Variants in SOX13 observed in about 807,000 individuals in gnomAD.
The protein encoded by SOX13 is transcription factor SOX-13.
In SOX13, 28 loss-of-function variants were observed where a neutral mutation model predicts 71.8. That is an observed-to-expected ratio of 0.39 (90% CI 0.29 to 0.53). SOX13 has a LOEUF of 0.53. Among genes scored for constraint, SOX13 ranks in the 20% least tolerant of loss-of-function variants. SOX13 has a pLI of 0.70. For synonymous variants in SOX13, 309 were observed against 317.8 expected, an observed-to-expected ratio of 0.97 and a Z score of 0.29; for missense variants, 627 against 810.3, an observed-to-expected ratio of 0.77 and a Z score of 2.75.
At chr1:204,083,472 C>T (rs1384644121) in intron 1 of SOX13, among the ~76,000 whole-genome samples, 1 of 152,210 alleles carries the variant, frequency 6.6e-6, no homozygotes, top group Non-Finnish European at 1.5e-5. Context: ...CTCTATCTCC[C>T]ATCATCTAAA....
At chr1:204,107,910 C>T (rs1345119909) in intron 1 of SOX13, among the ~76,000 whole-genome samples, 1 of 152,188 alleles carries the variant, frequency 6.6e-6, no homozygotes, top group Non-Finnish European at 1.5e-5. Flanking sequence ...CAGACTGACA[C>T]CTCTAAGCTG....
At chr1:204,094,567 G>T (rs1208076874) in intron 1 of SOX13, among the ~76,000 whole-genome samples, 1 of 152,150 alleles carries the variant, frequency 6.6e-6, no homozygotes, top group Non-Finnish European at 1.5e-5. Context: ...GCAGAGAGAG[G>T]GCCAGGAAGG....
At chr1:204,100,659 T>C (rs958720165) in intron 1 of SOX13, among the ~76,000 whole-genome samples, 1 of 121,524 alleles carries the variant, frequency 8.2e-6, no homozygotes, top group Non-Finnish European at 1.8e-5. Context: ...GACGATAGGG[T>C]AGATAATGGG....
intron 1 of SOX13, among the ~76,000 whole-genome samples, chr1:204,092,236 C>G (rs1558212572): frequency 1.3e-5 from 2 of 152,140 alleles, no homozygotes; most frequent in Non-Finnish European, 2.9e-5. Context: ...CTATGTTGCC[C>G]AGGCTGGTCT....
chr1:204,117,269 G>T (rs1454669791), intron 6 of SOX13, 79 bp downstream of exon 6: 1 of 1,273,462 alleles, frequency 7.9e-7, no homozygotes, highest in East Asian at 2.3e-5. Flanking sequence ...CTGGGGACAG[G>T]GGATGTGCAC....
At chr1:204,108,650 G>T (rs544684050) in intron 1 of SOX13, among the ~76,000 whole-genome samples, 1 of 152,372 alleles carries the variant, frequency 6.6e-6, no homozygotes, top group East Asian at 1.9e-4. Flanking sequence ...CAAGTCCGGA[G>T]TGAGGAGGGA....
chr1:204,120,197 T>G (rs567648131), intron 7 of SOX13, among the ~76,000 whole-genome samples: 1 of 152,104 alleles, frequency 6.6e-6, no homozygotes, highest in Non-Finnish European at 1.5e-5. Flanking sequence ...ACAGGCCCAA[T>G]GTGGAAGTTT....
chr1:204,077,297 C>T (rs1290144320), intron 1 of SOX13, among the ~76,000 whole-genome samples: 1 of 152,092 alleles, frequency 6.6e-6, no homozygotes, highest in Non-Finnish European at 1.5e-5. Flanking sequence ...TTATTGCAGG[C>T]GATGCATCCA....
At chr1:204,115,220 C>T (rs1656664023) in intron 4 of SOX13, among the ~76,000 whole-genome samples, 1 of 151,926 alleles carries the variant, frequency 6.6e-6, no homozygotes, top group African/African-American at 2.4e-5. Context: ...GTTGCCCAGG[C>T]TGGTCTCGAA....
At chr1:204,121,848 T>C (rs1340893465) in intron 7 of SOX13, 52 bp from the exon 8 acceptor site, 1 of 1,249,398 alleles carries the variant, frequency 8.0e-7, no homozygotes, top group Non-Finnish European at 1.2e-6. Flanking sequence ...AAGCAGGGTG[T>C]CTGCTGTTCT....
chr1:204,094,213 A>G (rs1656203312), intron 1 of SOX13, among the ~76,000 whole-genome samples: 1 of 152,206 alleles, frequency 6.6e-6, no homozygotes. Context: ...GATGGGAACG[A>G]TGAGACTCAG....
chr1:204,111,172 C>T (rs1656573256), intron 1 of SOX13, among the ~76,000 whole-genome samples: 1 of 152,224 alleles, frequency 6.6e-6, no homozygotes, highest in African/African-American at 2.4e-5. Flanking sequence ...AACAACAAAA[C>T]ACCAGATCGG....
intron 1 of SOX13, among the ~76,000 whole-genome samples, chr1:204,080,320 C>T (rs979853106): frequency 6.6e-6 from 1 of 151,092 alleles, no homozygotes; most frequent in Non-Finnish European, 1.5e-5. Context: ...GGTGTTACCC[C>T]CAACATTGTC....
rs1451680403 is a variant in SOX13 at position 204,123,533 on chromosome 1, C to T, written c.1232-128C>T. On this transcript the variant is annotated intron_variant, in intron 11 of 13. Transcript: ENST00000367204. This position sits in a 1 kb window ranked among gnomAD's most constrained non-coding sequence, Gnocchi z 5.0. ...CATCTGCTCCTGCCTTGCTCCTCCT[C>T]GGCTGGCTGCTGTGGGAGCCTCCTC... 7 of 995,904 alleles carry T rather than the reference C, an allele frequency of 7.0e-6. No individual in the cohort carries two copies. Among genetic ancestry groups the T allele is most frequent in the East Asian group, 2.6e-5 (1 of 38,026 alleles). The allele number at this position is 995,904 out of a possible 1,614,324, so 61.7% of individuals were successfully genotyped here.
chr1:204,088,975 A>G (rs535276522), intron 1 of SOX13, among the ~76,000 whole-genome samples: 1 of 152,146 alleles, frequency 6.6e-6, no homozygotes, highest in African/African-American at 2.4e-5. Flanking sequence ...GGAGGAATCA[A>G]TTTCCCTCTC....
intron 1 of SOX13, among the ~76,000 whole-genome samples, chr1:204,100,013 C>T (rs771348907): frequency 7.2e-5 from 11 of 152,152 alleles, no homozygotes; most frequent in Non-Finnish European, 1.6e-4. Flanking sequence ...TGGCATGCAC[C>T]TGTAGTTCCA....
intron 1 of SOX13, among the ~76,000 whole-genome samples, chr1:204,099,677 T>C (rs974536701): frequency 9.9e-5 from 15 of 152,164 alleles, no homozygotes; most frequent in African/African-American, 2.9e-4. Context: ...CCTCCCAAAG[T>C]GCTGGGATTA....
At position 204,124,631 on chromosome 1, in the gene SOX13, G is replaced by A. The variant is rs373147281; in HGVS notation, c.1376-10G>A. The A allele has an allele frequency of 5.0e-4, 809 of 1,602,354 alleles. 4 individuals are homozygous for A. In the African/African-American group the frequency reaches 9.5e-3, roughly 19 times the overall value. ...AGCACTGACTGCCTGCCCCTGGGGG[G>A]TTGGGTCAGGATCTCGCTGGAAGTC... is the stretch of plus-strand genomic sequence containing the variant. On this transcript the variant is annotated splice_polypyrimidine_tract_variant and intron_variant, in intron 12 of 13. Transcript: ENST00000367204.
chr1:204,102,443 G>A (rs1035490633), intron 1 of SOX13, among the ~76,000 whole-genome samples: 5 of 152,182 alleles, frequency 3.3e-5, no homozygotes, highest in Admixed American at 1.3e-4. Context: ...GGAAGGCACC[G>A]TGGCTTGGCC....
Sources: allele counts gnomAD v4.1 joint callset (sites outside exome capture counted in the v4.1 genomes callset), GRCh38; gene constraint gnomAD v4.1.1; non-coding constraint Gnocchi (gnomAD v3.1); transcripts MANE v1.5; gene names NCBI Gene and HGNC (gene_info 2026-07-23, HGNC 2026-07-21).